The following TRAPPC12 variants were observed in gnomAD, a reference collection of about 807,000 sequenced individuals.
The protein encoded by TRAPPC12 is trafficking protein particle complex subunit 12, also known as TPR repeat protein 15.
A neutral mutation model predicts 69.2 loss-of-function variants in TRAPPC12; 61 were observed. The ratio of observed to expected loss-of-function variants is 0.88; its 90% CI spans 0.72 to 1.09. The LOEUF (loss-of-function observed/expected upper bound fraction) is 1.09. Among genes scored for constraint, TRAPPC12 ranks in the 50% least tolerant of loss-of-function variants. The probability of loss-of-function intolerance (pLI) is 0.00; values close to 1 mark genes in which losing one functional copy is unlikely to be tolerated. For missense variants in TRAPPC12, 1,101 were observed against 1,016.4 expected, an observed-to-expected ratio of 1.08 and a Z score of -1.13; for synonymous variants, 469 against 438.9, an observed-to-expected ratio of 1.07 and a Z score of -0.86.
chr2:3,464,034 T>C (rs1665658232), intron 8 of TRAPPC12, among the ~76,000 whole-genome samples: 1 of 152,132 alleles, frequency 6.6e-6, no homozygotes, highest in African/African-American at 2.4e-5. Flanking sequence ...CACAGCTGCA[T>C]CTGGGGTGCC....
At chr2:3,450,938 T>G (rs1023682299) in intron 6 of TRAPPC12, among the ~76,000 whole-genome samples, 1 of 152,174 alleles carries the variant, frequency 6.6e-6, no homozygotes, top group African/African-American at 2.4e-5. Flanking sequence ...CAAGGCCCCC[T>G]GCAGACAGCA....
At chr2:3,393,287 A>T (rs1055323601) in intron 2 of TRAPPC12, among the ~76,000 whole-genome samples, 6 of 144,204 alleles carry the variant, frequency 4.2e-5, no homozygotes, top group Non-Finnish European at 6.1e-5. Context: ...TCTCATTTAC[A>T]TGTGGAATCT....
In TRAPPC12 at chr2:3,460,381, G is replaced by A. The variant is rs756560541; in HGVS notation, c.1677+45G>A. 1.1e-5 allele frequency: 9 copies of A among 847,254 alleles called. No homozygotes were observed. The East Asian group carries it at 1.2e-4, about 11-fold the overall frequency. The allele number at this position is 847,254 out of a possible 1,614,324, so 52.5% of individuals were successfully genotyped here. A position where few individuals can be genotyped will look rare whatever the true frequency, so the allele number is the denominator to read the frequency against. ...GGGCTGCCATGTGATCTGGAAGAGC[G>A]GGGTCAGTGGGAGCCGCGAGGGAGC... On this transcript the variant is annotated intron_variant, in intron 8 of 11. Transcript: ENST00000324266.
At chr2:3,411,430 A>G (rs1422752031) in intron 3 of TRAPPC12, among the ~76,000 whole-genome samples, 1 of 152,222 alleles carries the variant, frequency 6.6e-6, no homozygotes, top group African/African-American at 2.4e-5. Flanking sequence ...CTTCACAAAT[A>G]GCAAGTTCCT....
intron 1 of TRAPPC12, among the ~76,000 whole-genome samples, chr2:3,383,871 GTTTTTTTTTTTTTTTTTTT>G (rs34956958): frequency 8.5e-4 from 73 of 85,590 alleles, no homozygotes; most frequent in African/African-American, 1.7e-3. Flanking sequence ...GTTCAGTCTT[GTTTTTTTTTTTTTTTTTTT>G]TTTTTTTTTT....
chr2:3,400,371 G>A (rs1030849009), intron 2 of TRAPPC12, among the ~76,000 whole-genome samples: 1 of 150,922 alleles, frequency 6.6e-6, no homozygotes, highest in Non-Finnish European at 1.5e-5. Context: ...AGGGACCTCA[G>A]AGCCACTGCT....
intron 8 of TRAPPC12, among the ~76,000 whole-genome samples, chr2:3,464,304 C>G (rs1261085358): frequency 6.6e-6 from 1 of 152,144 alleles, no homozygotes; most frequent in Non-Finnish European, 1.5e-5. Context: ...GGGCGTCAGG[C>G]CTTGAATAAA....
At chr2:3,427,303 A>C (rs963383931) in intron 5 of TRAPPC12, among the ~76,000 whole-genome samples, 20 of 151,778 alleles carry the variant, frequency 1.3e-4, no homozygotes, top group African/African-American at 4.4e-4. Context: ...GGTCTGTGGG[A>C]CTCTGCCTGG....
rs1171199558 is a variant in TRAPPC12 at position 3,388,015 on chromosome 2, C to T, written c.392C>T (p.Pro131Leu). 2.0e-6 allele frequency: 3 copies of T among 1,469,110 alleles called. No individual in the cohort carries two copies. The highest frequency in any genetic ancestry group is 2.7e-6 in the Non-Finnish European group (3 of 1,117,272). The allele number at this position is 1,469,110 out of a possible 1,614,324, so 91.0% of individuals were successfully genotyped here. A position where few individuals can be genotyped will look rare whatever the true frequency, so the allele number is the denominator to read the frequency against. ...GCGGCACCCAGTAGCGGAGGGGCCC[C>T]GAGGCAGGACGCGGCCCGCGAGGTC... ...EDAAPSSGGAPRQDAAREVPG... is the reference protein window; with the variant it reads ...EDAAPSSGGALRQDAAREVPG... The change falls in exon 2 of 12, where the codon CCG becomes CTG. Residue 131 changes from proline (P) to leucine (L), a missense_variant. Coordinates refer to ENST00000324266, the MANE Select transcript of TRAPPC12 (RefSeq NM_016030.6).
chr2:3,419,485 T>C (rs1662650123), intron 3 of TRAPPC12, among the ~76,000 whole-genome samples: 1 of 152,198 alleles, frequency 6.6e-6, no homozygotes, highest in Non-Finnish European at 1.5e-5. Flanking sequence ...AATCCTGTAT[T>C]ACTTGCTGTA....
chr2:3,463,019 G>A (rs1236576853), intron 8 of TRAPPC12: 1 of 460,136 alleles, frequency 2.2e-6, no homozygotes. Flanking sequence ...AAACACGTGT[G>A]GCTGCTGAAA....
intron 10 of TRAPPC12, chr2:3,478,014 C>A (rs1052093777): frequency 4.9e-6 from 2 of 411,898 alleles, no homozygotes; most frequent in African/African-American, 4.0e-5. Flanking sequence ...GAGCTATTCC[C>A]CCTTGTTCTT....
chr2:3,443,673 T>C, intron 5 of TRAPPC12, 106 bp from the exon 6 acceptor site: 1 of 798,210 alleles, frequency 1.3e-6, no homozygotes, highest in Non-Finnish European at 2.2e-6. Context: ...AAGGGATCTG[T>C]CATCACTTCT....
chr2:3,469,530 A>G (rs1050482947), intron 9 of TRAPPC12, among the ~76,000 whole-genome samples: 29 of 152,182 alleles, frequency 1.9e-4, no homozygotes, highest in African/African-American at 7.0e-4. Context: ...GAGACAGGCC[A>G]TTCTAGAGCC....
At position 3,387,614 on chromosome 2, in the gene TRAPPC12, T is replaced by C; in HGVS notation, c.-4-6T>C. 6.6e-7 allele frequency: 1 copy of C among 1,523,266 alleles called. No homozygotes were observed. The highest frequency in any genetic ancestry group is 8.8e-7 in the Non-Finnish European group (1 of 1,130,542). 94.4% of individuals were successfully genotyped at this position (1,523,266 alleles called of 1,614,324 possible). A position where few individuals can be genotyped will look rare whatever the true frequency, so the allele number is the denominator to read the frequency against. On this transcript the variant is annotated splice_region_variant and splice_polypyrimidine_tract_variant and intron_variant, in intron 1 of 11. Transcript: ENST00000324266. Reference sequence around the variant, plus strand: ...TCAGGGGCCTTCTCTCTGTCTTTGCTTTCAGGGTCATGGAGGACGCTGGCG... The same window carrying C: ...TCAGGGGCCTTCTCTCTGTCTTTGCCTTCAGGGTCATGGAGGACGCTGGCG...
chr2:3,457,896 G>A, intron 7 of TRAPPC12: 1 of 1,423,224 alleles, frequency 7.0e-7, no homozygotes, highest in Non-Finnish European at 9.1e-7. Flanking sequence ...TGCAGCCTCA[G>A]ACCCGAACCC....
At chr2:3,387,586 C>T (rs1393094975) in intron 1 of TRAPPC12, 34 bp from the exon 2 acceptor site, 2 of 1,454,830 alleles carry the variant, frequency 1.4e-6, no homozygotes, top group African/African-American at 1.4e-5. Context: ...ATGAAGATCA[C>T]GCTCAGGGGC....
intron 8 of TRAPPC12, 151 bp downstream of exon 8, chr2:3,460,487 A>G (rs1351241257): frequency 1.7e-6 from 1 of 598,956 alleles, no homozygotes; most frequent in African/African-American, 1.9e-5. Flanking sequence ...GCCCAGTGAC[A>G]CATTATGGGG....
chr2:3,417,707 C>T (rs111319115), intron 3 of TRAPPC12, among the ~76,000 whole-genome samples: 3,970 of 152,216 alleles, frequency 0.026, 186 homozygotes, highest in African/African-American at 0.091. Flanking sequence ...CTTCTTTGTT[C>T]TTCTTTCCAC....
Sources: gnomAD v4.1 joint callset for allele counts (sites outside exome capture counted in the v4.1 genomes callset) on GRCh38, gnomAD v4.1.1 for gene constraint, MANE v1.5 for transcripts, NCBI Gene and HGNC (gene_info 2026-07-23, HGNC 2026-07-21) for gene names.